The following TULP4 variants were observed in gnomAD, a reference collection of about 807,000 sequenced individuals.
TULP4 encodes the protein TUB like protein 4, also known as tubby-related protein 4.
A neutral mutation model predicts 129.0 loss-of-function variants in TULP4; 16 were observed. The ratio of observed to expected loss-of-function variants is 0.12; its 90% CI spans 0.08 to 0.19. TULP4 has a LOEUF of 0.19. Ranked by LOEUF, TULP4 falls within the 10% of genes least tolerant of loss-of-function variation. The probability of loss-of-function intolerance (pLI) is 1.00; values close to 1 mark genes in which losing one functional copy is unlikely to be tolerated. For synonymous variants in TULP4, 998 were observed against 854.0 expected, an observed-to-expected ratio of 1.17 and a Z score of -2.94; for missense variants, 1,842 against 2,059.1, an observed-to-expected ratio of 0.89 and a Z score of 2.04.
At chr6:158,478,908 G>A (rs757340538) in intron 6 of TULP4, among the ~76,000 whole-genome samples, 2 of 152,140 alleles carry the variant, frequency 1.3e-5, no homozygotes, top group Non-Finnish European at 2.9e-5. Context: ...CAGGAACCGT[G>A]TTCTCCTCAA....
intron 1 of TULP4, among the ~76,000 whole-genome samples, chr6:158,239,402 G>A (rs1463813639): frequency 1.2e-4 from 8 of 68,420 alleles, no homozygotes; most frequent in Admixed American, 2.9e-4. Context: ...GCGGCTGGCC[G>A]GGCGGGGGGC....
chr6:158,256,612 A>C (rs898216736), intron 1 of TULP4, among the ~76,000 whole-genome samples: 9 of 152,218 alleles, frequency 5.9e-5, no homozygotes, highest in African/African-American at 2.2e-4. Flanking sequence ...TTTAGATTTG[A>C]TATAAGATCT....
intron 12 of TULP4, among the ~76,000 whole-genome samples, chr6:158,500,786 C>T (rs1780427709): frequency 6.6e-6 from 1 of 152,218 alleles, no homozygotes; most frequent in Non-Finnish European, 1.5e-5. Context: ...CAGATAAAGG[C>T]CAGGCAGGGT....
intron 1 of TULP4, among the ~76,000 whole-genome samples, chr6:158,394,627 C>CA (rs1241753822): frequency 1.5e-4 from 22 of 146,566 alleles, no homozygotes; most frequent in South Asian, 2.2e-4. Flanking sequence ...ACTAAAAATA[C>CA]AAAAAAAAAA....
intron 1 of TULP4, among the ~76,000 whole-genome samples, chr6:158,234,176 C>T (rs1192785787): frequency 6.6e-6 from 1 of 152,170 alleles, no homozygotes; most frequent in Non-Finnish European, 1.5e-5. Context: ...TATCTTTCAG[C>T]CTTGCATATG....
chr6:158,494,746 A>G lies in TULP4; in HGVS notation c.1777-7A>G. On this transcript the variant is annotated splice_region_variant and splice_polypyrimidine_tract_variant and intron_variant, in intron 10 of 13. Coordinates refer to ENST00000367097, the MANE Select transcript of TULP4 (RefSeq NM_020245.5). ...GATTCTTCTTTTTTCTTTTCTTCCT[A>G]CCGCAGCACAACTATCTTGCTCAGG... The G allele has an allele frequency of 3.7e-6, 6 of 1,609,190 alleles. No homozygotes were observed. The highest frequency in any genetic ancestry group is 5.1e-6 in the Non-Finnish European group (6 of 1,177,382).
intron 8 of TULP4, among the ~76,000 whole-genome samples, chr6:158,484,352 T>A (rs752518085): frequency 1.3e-4 from 20 of 151,778 alleles, no homozygotes; most frequent in Non-Finnish European, 2.9e-4. Context: ...GGTCTCACCG[T>A]GTTTCCCAGG....
chr6:158,326,159 G>A (rs1245916751), intron 1 of TULP4, among the ~76,000 whole-genome samples: 2 of 152,172 alleles, frequency 1.3e-5, no homozygotes, highest in Non-Finnish European at 2.9e-5. Context: ...GATGAGCCAA[G>A]TAGGGTACTA....
chr6:158,337,048 TTTCTTTCTTTCTTTCTTTCTTTCTTTTC>T lies in TULP4; in HGVS notation c.252+22783_252+22810del, dbSNP rs1159497380. 8.2e-3 allele frequency among the ~76,000 whole-genome samples: 40 copies of T among 4,868 alleles called. 1 individual carries two copies. The South Asian group carries it at 0.1, about 13-fold the overall frequency. The allele number at this position is 4,868 out of a possible 152,430, so 3.2% of individuals were successfully genotyped here. A position where few individuals can be genotyped will look rare whatever the true frequency, so the allele number is the denominator to read the frequency against. On this transcript the variant is annotated intron_variant, in intron 1 of 13. Coordinates refer to ENST00000367097, the MANE Select transcript of TULP4 (RefSeq NM_020245.5). The stretch of plus-strand genomic sequence containing the variant: ...TTCTTTCTTTCTTTTTCTTTCTTTC[TTTCTTTCTTTCTTTCTTTCTTTCTTTTC>T]TTTCTTTCTGTCTCTCTCTCTCTCT...
upstream of TULP4, among the ~76,000 whole-genome samples, chr6:158,281,102 G>A (rs932349996): frequency 2.0e-5 from 3 of 152,066 alleles, no homozygotes; most frequent in Non-Finnish European, 2.9e-5. Flanking sequence ...GTTATCGGAG[G>A]GATATTTAAA....
At chr6:158,332,870 A>G (rs1003638278) in intron 1 of TULP4, among the ~76,000 whole-genome samples, 9 of 152,230 alleles carry the variant, frequency 5.9e-5, no homozygotes, top group African/African-American at 1.4e-4. Context: ...AAGGAATTCT[A>G]TTGTTTATTA....
intron 6 of TULP4, among the ~76,000 whole-genome samples, chr6:158,468,103 T>G (rs531378881): frequency 1.1e-4 from 17 of 152,340 alleles, no homozygotes; most frequent in Admixed American, 1.0e-3. Flanking sequence ...CTGAGTCGTG[T>G]AAACAGTTGC....
At chr6:158,412,022 A>AGAGTACTC (rs1778110803) in intron 1 of TULP4, among the ~76,000 whole-genome samples, 1 of 152,200 alleles carries the variant, frequency 6.6e-6, no homozygotes, top group Non-Finnish European at 1.5e-5. Flanking sequence ...ATTCATAGCA[A>AGAGTACTC]GAGTACTCTT....
intron 1 of TULP4, among the ~76,000 whole-genome samples, chr6:158,361,577 G>A (rs1780789440): frequency 6.6e-6 from 1 of 152,132 alleles, no homozygotes; most frequent in Non-Finnish European, 1.5e-5. Flanking sequence ...CTAGCTCATA[G>A]CTTATTTCTC....
chr6:158,337,035 T>TTTCTTTCTTTC (rs1780052753), intron 1 of TULP4, among the ~76,000 whole-genome samples: 1 of 26,636 alleles, frequency 3.8e-5, no homozygotes, highest in African/African-American at 6.8e-5. Context: ...CTTTCTTTCT[T>TTTCTTTCTTTC]TTTCTTTCTT....
chr6:158,292,769 T>G (rs1256742732), intron 1 of TULP4, among the ~76,000 whole-genome samples: 2 of 152,232 alleles, frequency 1.3e-5, no homozygotes, highest in African/African-American at 2.4e-5. Flanking sequence ...TTGCACAGTG[T>G]AAGATTATTT....
At chr6:158,317,211 C>A (rs1489047061) in intron 1 of TULP4, among the ~76,000 whole-genome samples, 1 of 151,892 alleles carries the variant, frequency 6.6e-6, no homozygotes, top group East Asian at 1.9e-4. Context: ...TACCTGTGCA[C>A]AACATGCAGG....
intron 1 of TULP4, among the ~76,000 whole-genome samples, chr6:158,409,860 CTT>C (rs544809072): frequency 2.1e-5 from 3 of 145,658 alleles, no homozygotes; most frequent in East Asian, 2.0e-4. Context: ...GATTAAGAAT[CTT>C]TTTTTTTTTT....
chr6:158,274,517 C>T (rs1269788059), intron 1 of TULP4, among the ~76,000 whole-genome samples: 1 of 152,028 alleles, frequency 6.6e-6, no homozygotes, highest in Non-Finnish European at 1.5e-5. Flanking sequence ...TGGCTCACGC[C>T]TGTAGTCCCA....
Sources: allele counts gnomAD v4.1 joint callset (sites outside exome capture counted in the v4.1 genomes callset), GRCh38; gene constraint gnomAD v4.1.1; transcripts MANE v1.5; gene names NCBI Gene and HGNC (gene_info 2026-07-23, HGNC 2026-07-21).